Variants in PUDP observed in about 807,000 individuals in gnomAD.
PUDP encodes the protein pseudouridine 5'-phosphatase.
A neutral mutation model predicts 9.4 loss-of-function variants in PUDP; 8 were observed. That is an observed-to-expected ratio of 0.85 (90% CI 0.50 to 1.53). PUDP has a LOEUF of 1.53. Among genes scored for constraint, PUDP ranks in the 40% most tolerant of loss-of-function variants. The pLI is 0.00. For synonymous variants in PUDP, 99 were observed against 80.7 expected, an observed-to-expected ratio of 1.23 and a Z score of -1.22; for missense variants, 188 against 189.7, an observed-to-expected ratio of 0.99 and a Z score of 0.05.
chrX:6,779,669 C>T (rs1201621215), intron 3 of PUDP, among the ~76,000 whole-genome samples: 1 of 111,943 alleles, frequency 8.9e-6, no homozygotes, highest in Non-Finnish European at 1.9e-5. Context: ...GTGGCTCATG[C>T]CTTTAATCCC....
chrX:6,753,630 T>C (rs1925133664), intron 3 of PUDP, among the ~76,000 whole-genome samples: 1 of 111,984 alleles, frequency 8.9e-6, no homozygotes, highest in South Asian at 3.7e-4. Flanking sequence ...TCCACGCCAA[T>C]ATCTACTATT....
At chrX:6,977,192 C>G (rs756417381) in exon 3 of PUDP, among the ~76,000 whole-genome samples, 31 of 111,934 alleles carry the variant, frequency 2.8e-4, no homozygotes, top group African/African-American at 9.7e-4. Flanking sequence ...ACTCCAGGAA[C>G]AGGCAGGAAG....
At chrX:6,907,767 A>G (rs2146755744) in intron 3 of PUDP, among the ~76,000 whole-genome samples, 1 of 111,360 alleles carries the variant, frequency 9.0e-6, no homozygotes, top group South Asian at 3.8e-4. Flanking sequence ...AGGCAGGAAA[A>G]CCTCTCTCCA....
chrX:6,973,127 T>C (rs1928903029), intron 3 of PUDP, among the ~76,000 whole-genome samples: 2 of 112,122 alleles, frequency 1.8e-5, no homozygotes, highest in African/African-American at 6.5e-5. Flanking sequence ...GCTAGCAGTC[T>C]ATCTATTTTG....
exon 2 of PUDP, among the ~76,000 whole-genome samples, chrX:6,978,303 T>C (rs745947771): frequency 3.9e-4 from 44 of 111,438 alleles, no homozygotes; most frequent in Non-Finnish European, 5.5e-4. Context: ...GTTTTTGTGC[T>C]AAGTCCCATC....
chrX:6,981,603 C>T (rs1929033784), intron 1 of PUDP, among the ~76,000 whole-genome samples: 2 of 111,314 alleles, frequency 1.8e-5, no homozygotes, highest in African/African-American at 6.5e-5. Context: ...ATCCCAACCC[C>T]GATTTAAAAG....
At chrX:7,086,017 G>C (rs1232020581) in intron 2 of PUDP, among the ~76,000 whole-genome samples, 1 of 111,842 alleles carries the variant, frequency 8.9e-6, no homozygotes, top group African/African-American at 3.3e-5. Flanking sequence ...ATCAGCACCA[G>C]TGAAACCCAG....
At chrX:7,024,883 A>T (rs1367233649) in intron 1 of PUDP, among the ~76,000 whole-genome samples, 1 of 106,714 alleles carries the variant, frequency 9.4e-6, no homozygotes, top group Non-Finnish European at 1.9e-5. Flanking sequence ...GAGCCACTGC[A>T]CCTGGCCGAC....
At chrX:7,037,001 G>T (rs1414512560) in intron 1 of PUDP, among the ~76,000 whole-genome samples, 7 of 111,601 alleles carry the variant, frequency 6.3e-5, no homozygotes, top group Admixed American at 9.5e-5. Flanking sequence ...AATCTTTCCG[G>T]TTCTCATCTT....
intron 3 of PUDP, among the ~76,000 whole-genome samples, chrX:6,830,480 AG>A (rs1978713222): frequency 8.9e-6 from 1 of 112,324 alleles, no homozygotes; most frequent in East Asian, 2.8e-4. Context: ...AAAGTAGAAA[AG>A]TTAGTGACAA....
intron 1 of PUDP, among the ~76,000 whole-genome samples, chrX:6,984,469 T>C (rs1301475199): frequency 9.0e-6 from 1 of 111,685 alleles, no homozygotes; most frequent in Non-Finnish European, 1.9e-5. Flanking sequence ...GTGCCATAAG[T>C]GCTATACAAA....
chrX:7,060,352 C>A (rs769084493), intron 3 of PUDP, among the ~76,000 whole-genome samples: 2 of 112,085 alleles, frequency 1.8e-5, no homozygotes, highest in Non-Finnish European at 3.8e-5. Flanking sequence ...GCCTCCCATG[C>A]CCATATTAAC....
chrX:6,934,054 C>G (rs1434268558), intron 3 of PUDP, among the ~76,000 whole-genome samples: 73 of 99,301 alleles, frequency 7.4e-4, no homozygotes, highest in African/African-American at 2.6e-3. Flanking sequence ...TTGGAAAACA[C>G]TCTGCAGGGT....
At chrX:6,868,739 C>T (rs1332315997) in intron 3 of PUDP, among the ~76,000 whole-genome samples, 1 of 111,805 alleles carries the variant, frequency 8.9e-6, no homozygotes, top group East Asian at 2.8e-4. Context: ...ATGTCATCTG[C>T]AGAAAATAGA....
chrX:7,124,395 G>C (rs1341385801), intron 1 of PUDP, among the ~76,000 whole-genome samples: 3 of 111,707 alleles, frequency 2.7e-5, no homozygotes, highest in Non-Finnish European at 5.6e-5. Context: ...ACTGCGTGGA[G>C]GGAAATTATG....
chrX:7,128,792 T>C (rs1932546474), intron 1 of PUDP, among the ~76,000 whole-genome samples: 1 of 112,236 alleles, frequency 8.9e-6, no homozygotes, highest in South Asian at 3.7e-4. Context: ...TCTTACATTC[T>C]GTGTTTACAT....
intron 3 of PUDP, among the ~76,000 whole-genome samples, chrX:6,916,965 T>C (rs1355390607): frequency 8.9e-6 from 1 of 112,270 alleles, no homozygotes; most frequent in Non-Finnish European, 1.9e-5. Flanking sequence ...GTATTTGATG[T>C]GTGTATCTAT....
chrX:6,754,101 T>C (rs1025450966), intron 3 of PUDP, among the ~76,000 whole-genome samples: 1 of 112,259 alleles, frequency 8.9e-6, no homozygotes, highest in African/African-American at 3.2e-5. Context: ...AGAATTTTTA[T>C]AGTTTCAGGT....
intron 3 of PUDP, among the ~76,000 whole-genome samples, chrX:6,917,962 T>C (rs984845217): frequency 8.9e-6 from 1 of 112,167 alleles, no homozygotes; most frequent in South Asian, 3.7e-4. Flanking sequence ...TTTGAGCCAG[T>C]ACATGCGTTC....
Sources: gnomAD v4.1 joint callset for allele counts (sites outside exome capture counted in the v4.1 genomes callset) on GRCh38, gnomAD v4.1.1 for gene constraint, MANE v1.5 for transcripts, NCBI Gene and HGNC (gene_info 2026-07-23, HGNC 2026-07-21) for gene names.